The following FOXK1 variants were observed in gnomAD, a reference collection of about 807,000 sequenced individuals.
FOXK1 encodes forkhead box protein K1.
FOXK1 carries 19 observed loss-of-function variants against 51.9 expected under a neutral mutation model. The ratio of observed to expected loss-of-function variants is 0.37; its 90% confidence interval spans 0.26 to 0.54. The LOEUF is 0.54. FOXK1 is among the 20% of genes least tolerant of loss of function. The pLI is 0.87. For synonymous variants in FOXK1, 537 were observed against 482.6 expected (o/e 1.11, Z -1.48); for missense variants, 870 against 1,032.7 (o/e 0.84, Z 2.16).
At chr7:4,717,729 CT>C (rs1780254708) in intron 1 of FOXK1, among the ~76,000 whole-genome samples, 2 of 152,174 alleles carry the variant, frequency 1.3e-5, no homozygotes, top group Non-Finnish European at 2.9e-5. Context: ...GCAGCTTCAT[CT>C]GCACGAGGAG....
intron 1 of FOXK1, among the ~76,000 whole-genome samples, chr7:4,696,039 C>T (rs1779947136): frequency 6.6e-6 from 1 of 151,664 alleles, no homozygotes; most frequent in Admixed American, 6.6e-5. Context: ...TCTCTTGAAC[C>T]CAGGAGGTGG....
chr7:4,752,815 A>G (rs780337067), intron 2 of FOXK1, among the ~76,000 whole-genome samples: 2 of 152,212 alleles, frequency 1.3e-5, no homozygotes, highest in Non-Finnish European at 2.9e-5. Flanking sequence ...CCCTCCGGCC[A>G]TGAGGCCATC....
At chr7:4,685,827 C>G (rs1233478255) in intron 1 of FOXK1, among the ~76,000 whole-genome samples, 4 of 151,974 alleles carry the variant, frequency 2.6e-5, no homozygotes, top group Non-Finnish European at 5.9e-5. Flanking sequence ...CCTGTAGTCC[C>G]AGCTACTTGG....
Position 4,747,876 on chromosome 7 carries a change from T to C in FOXK1, c.747-6583T>C, listed in dbSNP as rs1180470265. 2.0e-5 allele frequency among the ~76,000 whole-genome samples: 3 copies of C among 151,122 alleles called. No homozygotes were observed. The highest frequency in any genetic ancestry group is 7.3e-5 in the African/African-American group (3 of 41,028). On this transcript the variant is annotated intron_variant, in intron 2 of 8. Transcript: ENST00000328914. This position sits in a 1 kb window ranked among gnomAD's most constrained non-coding sequence, Gnocchi z 9.2. ...TTTGTTTTGTTTTGAAGCAGGGTCTTGTTCTGACACCCAGGCCGGAGTGCA... is the reference window on the plus strand; with the variant it reads ...TTTGTTTTGTTTTGAAGCAGGGTCTCGTTCTGACACCCAGGCCGGAGTGCA...
chr7:4,706,026 GTATATACGTGTATATACGTGTA>G, intron 1 of FOXK1, among the ~76,000 whole-genome samples: 1 of 74,410 alleles, frequency 1.3e-5, no homozygotes, highest in Middle Eastern at 5.3e-3. Flanking sequence ...ATATATACGT[GTATATACGTGTATATACGTGTA>G]TATATGTATA....
intron 1 of FOXK1, among the ~76,000 whole-genome samples, chr7:4,685,221 CT>C (rs55891300): frequency 0.53 from 53,874 of 102,528 alleles, 13,898 homozygotes; most frequent in East Asian, 0.63. Context: ...GAGCTATTTG[CT>C]TTTTTTTTTT....
rs1400232317 is a variant in FOXK1, at chr7:4,699,173, A to G, written c.560+16305A>G. ...TGACATTTTTAAAAACAGGCCAGTT[A>G]TGTTCTGGGCTGGCTCTCCACATAC... is the stretch of plus-strand genomic sequence containing the variant. On this transcript the variant is annotated intron_variant, in intron 1 of 8. Coordinates refer to ENST00000328914, the MANE Select transcript of FOXK1 (RefSeq NM_001037165.2). Among the ~76,000 whole-genome samples, 3 of 151,934 alleles carry G rather than the reference A, an allele frequency of 2.0e-5. No individual in the cohort carries two copies. The East Asian group carries it at 5.8e-4, about 29-fold the overall frequency.
At chr7:4,752,424 C>T (rs1780791169) in intron 2 of FOXK1, among the ~76,000 whole-genome samples, 1 of 152,252 alleles carries the variant, frequency 6.6e-6, no homozygotes. Flanking sequence ...GGCTTACAGG[C>T]ATGAGCCACC....
intron 1 of FOXK1, among the ~76,000 whole-genome samples, chr7:4,719,591 C>G (rs950913975): frequency 1.3e-5 from 2 of 152,216 alleles, no homozygotes; most frequent in Non-Finnish European, 2.9e-5. Context: ...AAGCAATTCT[C>G]CTGCCTCAGC....
intron 1 of FOXK1, among the ~76,000 whole-genome samples, chr7:4,695,704 A>T (rs557901349): frequency 6.6e-6 from 1 of 152,170 alleles, no homozygotes; most frequent in African/African-American, 2.4e-5. Flanking sequence ...TGGGAGGCCA[A>T]TGTGGGAGGA....
rs1408175123 is a variant in FOXK1, at chr7:4,749,538, C to T, written c.747-4921C>T. On this transcript the variant is annotated intron_variant, in intron 2 of 8. Coordinates refer to ENST00000328914, the MANE Select transcript of FOXK1 (RefSeq NM_001037165.2). The surrounding 1 kb of genome is among the most constrained non-coding windows in gnomAD (Gnocchi z 6.0). ...GACCCCCGCAGCCTTCTCGCCCCTC[C>T]ACTGCCCACAAGGCTCCGTCGCAGC... Among the ~76,000 whole-genome samples the T allele has an allele frequency of 6.6e-6, 1 of 152,210 alleles. No homozygotes were observed. The highest frequency in any genetic ancestry group is 2.4e-5 in the African/African-American group (1 of 41,458).
intron 1 of FOXK1, among the ~76,000 whole-genome samples, chr7:4,725,280 C>T (rs958882375): frequency 6.6e-6 from 1 of 151,800 alleles, no homozygotes; most frequent in African/African-American, 2.4e-5. Flanking sequence ...CCCCTTGGAG[C>T]ACCGACGCCA....
chr7:4,713,976 G>A (rs1051498121), intron 1 of FOXK1, among the ~76,000 whole-genome samples: 4 of 151,396 alleles, frequency 2.6e-5, no homozygotes, highest in Non-Finnish European at 4.4e-5. Flanking sequence ...ACAAGCATGC[G>A]CCACCACGTC....
chr7:4,751,118 C>T (rs1296300775), intron 2 of FOXK1, among the ~76,000 whole-genome samples: 1 of 150,776 alleles, frequency 6.6e-6, no homozygotes, highest in Non-Finnish European at 1.5e-5. Flanking sequence ...AGGTTCATGC[C>T]ATTCTCCTGC....
Position 4,761,154 on chromosome 7 carries a change from T to A in FOXK1, c.1787T>A (p.Val596Asp). ...QTVASQMAPG[V>D]PGHTVTILQP... ...GTGGCCAGCCAGATGGCCCCCGGGG[T>A]CCCCGGACACACGGTCACCATCCTG... The change falls in exon 8 of 9, where the codon GTC becomes GAC. Residue 596 changes from valine (V) to aspartate (D), a missense_variant. By Grantham distance (152) the Val-to-Asp change is radical. Around this residue, in one of 3 missense-constraint regions of FOXK1, gnomAD observed 457 missense variants for 510.8 expected, o/e 0.89. Coordinates refer to ENST00000328914, the MANE Select transcript of FOXK1 (RefSeq NM_001037165.2). This position sits in a 1 kb window ranked among gnomAD's most constrained non-coding sequence, Gnocchi z 6.2. 6.2e-7 allele frequency: 1 copy of A among 1,612,148 alleles called. No individual in the cohort carries two copies. The highest frequency in any genetic ancestry group is 8.5e-7 in the Non-Finnish European group (1 of 1,179,902).
chr7:4,686,502 G>A (rs1583178121), intron 1 of FOXK1, among the ~76,000 whole-genome samples: 1 of 152,306 alleles, frequency 6.6e-6, no homozygotes, highest in African/African-American at 2.4e-5. Context: ...ACGCCTGGTG[G>A]GTAAGCATCT....
At chr7:4,706,831 C>A (rs772229593) in intron 1 of FOXK1, among the ~76,000 whole-genome samples, 6 of 152,122 alleles carry the variant, frequency 3.9e-5, no homozygotes, top group African/African-American at 1.2e-4. Flanking sequence ...CTTCCTTGGC[C>A]GCCCGGATGC....
chr7:4,719,475 A>G (rs2115046429), intron 1 of FOXK1, among the ~76,000 whole-genome samples: 1 of 149,928 alleles, frequency 6.7e-6, no homozygotes, highest in East Asian at 2.0e-4. Flanking sequence ...TTTCCCTAAT[A>G]GCTAACTACA....
At chr7:4,704,128 G>A (rs1004516222) in intron 1 of FOXK1, among the ~76,000 whole-genome samples, 1 of 152,078 alleles carries the variant, frequency 6.6e-6, no homozygotes, top group Admixed American at 6.6e-5. Context: ...TTCATTTAAA[G>A]GTGAAAGATT....
Sources: allele counts gnomAD v4.1 joint callset (sites outside exome capture counted in the v4.1 genomes callset), GRCh38; gene constraint gnomAD v4.1.1; regional missense constraint gnomAD v4.1.1; non-coding constraint Gnocchi (gnomAD v3.1); transcripts MANE v1.5; gene names NCBI Gene and HGNC (gene_info 2026-07-23, HGNC 2026-07-21).